DNPEP: variants seen among roughly 807,000 people sequenced by gnomAD.
DNPEP encodes the protein aspartyl aminopeptidase.
DNPEP carries 46 observed loss-of-function variants against 59.1 expected under a neutral mutation model. The ratio of observed to expected loss-of-function variants is 0.78; its 90% confidence interval spans 0.61 to 0.99. DNPEP has a LOEUF of 0.99. DNPEP is among the 50% of genes least tolerant of loss of function. The probability of loss-of-function intolerance (pLI) is 0.00; values close to 1 mark genes in which losing one functional copy is unlikely to be tolerated. For missense variants in DNPEP, 617 were observed against 649.9 expected (o/e 0.95, Z 0.55); for synonymous variants, 229 against 242.2 (o/e 0.95, Z 0.50).
intron 1 of DNPEP, among the ~76,000 whole-genome samples, chr2:219,395,197 C>T (rs1394706181): frequency 6.6e-6 from 1 of 152,214 alleles, no homozygotes; most frequent in Non-Finnish European, 1.5e-5. Context: ...ATCTGCCCTC[C>T]TCAGCCTCCC....
At position 219,372,334 on chromosome 2, in the gene DNPEP, T is replaced by G. The variant is rs1222171881; in HGVS notation, c.*1958A>C. Among the ~76,000 whole-genome samples, 3 of 152,244 alleles carry G rather than the reference T, an allele frequency of 2.0e-5. No homozygotes were observed. In the East Asian group the frequency reaches 5.8e-4, roughly 29 times the overall value. The stretch of plus-strand genomic sequence containing the variant: ...CAGGCTTTTTCTATACATGTATACA[T>G]CTACGTGCATATTTATATACACATA... On this transcript the variant is annotated 3_prime_UTR_variant, in exon 15 of 15. Transcript: ENST00000273075.
At chr2:219,395,362 C>G (rs1160326779) in intron 1 of DNPEP, among the ~76,000 whole-genome samples, 1 of 152,220 alleles carries the variant, frequency 6.6e-6, no homozygotes, top group Non-Finnish European at 1.5e-5. Flanking sequence ...CACCTGCTCC[C>G]TAACAACCTC....
chr2:219,387,365 G>A, intron 1 of DNPEP: 3 of 1,441,214 alleles, frequency 2.1e-6, no homozygotes, highest in South Asian at 3.0e-5. Context: ...AGGATCATGA[G>A]CCAGGCCCGC....
chr2:219,393,094 T>C (rs1186627730), upstream of DNPEP, among the ~76,000 whole-genome samples: 2 of 152,160 alleles, frequency 1.3e-5, no homozygotes, highest in East Asian at 3.9e-4. Context: ...TGGGCCACAT[T>C]GGAAGAAGTA....
intron 13 of DNPEP, 64 bp from the exon 14 acceptor site, chr2:219,375,086 C>T: frequency 6.4e-7 from 1 of 1,560,610 alleles, no homozygotes; most frequent in Non-Finnish European, 8.8e-7. Context: ...AAGGAGGACG[C>T]CATCTTAGAA....
At chr2:219,396,465 G>A (rs1954098867) in intron 1 of DNPEP, among the ~76,000 whole-genome samples, 2 of 151,918 alleles carry the variant, frequency 1.3e-5, no homozygotes. Context: ...GCGGGCACCT[G>A]TAATCCCAGC....
intron 10 of DNPEP, 107 bp from the exon 11 acceptor site, chr2:219,382,246 A>C (rs1953635067): frequency 7.6e-7 from 1 of 1,319,084 alleles, no homozygotes; most frequent in Non-Finnish European, 1.0e-6. Context: ...CCACTGAGTC[A>C]CTGGGTGTTC....
At chr2:219,399,530 C>T (rs766138382) in intron 1 of DNPEP, 10 of 511,334 alleles carry the variant, frequency 2.0e-5, no homozygotes, top group Non-Finnish European at 3.8e-5. Context: ...CTTTAGATCA[C>T]CCTGAGAAAC....
rs1370741219 is a variant in DNPEP, at chr2:219,372,343, A to G, written c.*1949T>C. The stretch of plus-strand genomic sequence containing the variant: ...TCTATACATGTATACATCTACGTGC[A>G]TATTTATATACACATAAAAATATAT... On this transcript the variant is annotated 3_prime_UTR_variant, in exon 15 of 15. Coordinates refer to ENST00000273075, the MANE Select transcript of DNPEP (RefSeq NM_012100.4). Among the ~76,000 whole-genome samples the G allele has an allele frequency of 1.3e-5, 2 of 152,154 alleles. No individual in the cohort carries two copies. The highest frequency in any genetic ancestry group is 2.9e-5 in the Non-Finnish European group (2 of 68,014).
rs1266083715 is a variant in DNPEP at position 219,384,341 on chromosome 2, T to C, written c.852+25A>G. 11 of 1,595,066 alleles carry C rather than the reference T, an allele frequency of 6.9e-6. No individual in the cohort carries two copies. In the South Asian group the frequency reaches 1.0e-4, roughly 15 times the overall value. ...ACCACCTCTGCTGGTGGTTATGTGC[T>C]GCCTGGGGCGCCCCGGCTCCTCACC... On this transcript the variant is annotated intron_variant, in intron 9 of 14. Transcript: ENST00000273075.
intron 5 of DNPEP, 41 bp from the exon 6 acceptor site, chr2:219,386,139 C>T (rs370715432): frequency 9.9e-6 from 16 of 1,610,818 alleles, no homozygotes; most frequent in Non-Finnish European, 1.2e-5. Context: ...GTGCCTCCTA[C>T]CCCAGTGGTC....
chr2:219,386,545 C>G (rs966067493), intron 4 of DNPEP, 120 bp downstream of exon 4: 2 of 1,460,062 alleles, frequency 1.4e-6, no homozygotes, highest in African/African-American at 1.4e-5. Flanking sequence ...AAGGGGCCAA[C>G]AAGTTTACCT....
At chr2:219,388,093 C>G, upstream of DNPEP, 2 of 338,898 alleles carry the variant, frequency 5.9e-6, no homozygotes, top group Non-Finnish European at 9.3e-6. Context: ...AGCTTGGCCG[C>G]ACCGCCCGCC....
chr2:219,394,349 C>T (rs1190613285), intron 1 of DNPEP, among the ~76,000 whole-genome samples: 1 of 152,192 alleles, frequency 6.6e-6, no homozygotes, highest in Non-Finnish European at 1.5e-5. Flanking sequence ...CTTCACTTGG[C>T]CTTCCAGACA....
chr2:219,390,987 A>G (rs532691859), upstream of DNPEP, among the ~76,000 whole-genome samples: 51 of 152,228 alleles, frequency 3.4e-4, no homozygotes, highest in Non-Finnish European at 5.9e-4. Flanking sequence ...TGGGAAGCTA[A>G]TCTGCCATGT....
chr2:219,385,921 A>C (rs1264917402), intron 6 of DNPEP, 47 bp downstream of exon 6: 1 of 1,607,234 alleles, frequency 6.2e-7, no homozygotes, highest in South Asian at 1.1e-5. Context: ...ATCACCTGGT[A>C]CCATTCTCCA....
At chr2:219,374,423 A>G in intron 14 of DNPEP, 81 bp from the exon 15 acceptor site, 3 of 1,303,650 alleles carry the variant, frequency 2.3e-6, no homozygotes, top group South Asian at 1.2e-5. Context: ...CCACCAACAT[A>G]TGTTCCAGCA....
chr2:219,386,020 G>A lies in DNPEP; in HGVS notation c.538C>T (p.His180Tyr), dbSNP rs1309363675. 5.0e-6 allele frequency: 8 copies of A among 1,614,178 alleles called. No individual in the cohort carries two copies. The highest frequency in any genetic ancestry group is 6.8e-6 in the Non-Finnish European group (8 of 1,180,022). The change falls in exon 6 of 15, where the codon CAT becomes TAT. Residue 180 changes from histidine (H) to tyrosine (Y), a missense_variant. Coordinates refer to ENST00000273075, the MANE Select transcript of DNPEP (RefSeq NM_012100.4). ...PILRIPHLAI[H>Y]LQRNINENFG... is the part of the protein sequence containing the mutation. Reference sequence around the variant, plus strand: ...TTCTCGTTGATATTTCGCTGCAGATGGATGGCCAGGTGTGGGATGCGAAGA... The same window carrying A: ...TTCTCGTTGATATTTCGCTGCAGATAGATGGCCAGGTGTGGGATGCGAAGA...
chr2:219,386,618 C>T lies in DNPEP; in HGVS notation c.333+47G>A, dbSNP rs767110463. 4 of 1,552,276 alleles carry T rather than the reference C, an allele frequency of 2.6e-6. No individual in the cohort carries two copies. In the South Asian group the frequency reaches 4.6e-5, roughly 18 times the overall value. On this transcript the variant is annotated intron_variant, in intron 4 of 14. Transcript: ENST00000273075. ...CCTCCTAGTTCTCTTTTGCCCTGTA[C>T]TCCCTCTGACATCTCCTCCCACCCC...
Sources: gnomAD v4.1 joint callset for allele counts (sites outside exome capture counted in the v4.1 genomes callset) on GRCh38, gnomAD v4.1.1 for gene constraint, MANE v1.5 for transcripts, NCBI Gene and HGNC (gene_info 2026-07-23, HGNC 2026-07-21) for gene names.